The following TRIM34 variants were observed in gnomAD, a reference collection of about 807,000 sequenced individuals.
TRIM34 encodes tripartite motif containing 34, also known as E3 ubiquitin-protein ligase TRIM34.
Under a neutral mutation model 38.1 loss-of-function variants are expected in TRIM34, and 41 were observed. That is an observed-to-expected ratio of 1.08 (90% CI 0.84 to 1.40). The LOEUF (loss-of-function observed/expected upper bound fraction) is 1.40. Ranked by LOEUF, TRIM34 falls within the 40% of genes most tolerant of loss-of-function variation. The pLI is 0.00. For missense variants in TRIM34, 556 were observed against 571.4 expected (o/e 0.97, Z 0.27); for synonymous variants, 200 against 202.5 (o/e 0.99, Z 0.10).
At chr11:5,623,622 C>T (rs540588886), upstream of TRIM34, among the ~76,000 whole-genome samples, 4 of 150,804 alleles carry the variant, frequency 2.7e-5, no homozygotes, top group Admixed American at 1.3e-4. Context: ...CCTTGTGATC[C>T]GCCCGCCTCA....
intron 1 of TRIM34, among the ~76,000 whole-genome samples, chr11:5,630,935 T>C (rs553659225): frequency 1.3e-5 from 2 of 152,372 alleles, no homozygotes; most frequent in East Asian, 3.9e-4. Flanking sequence ...ATTTCCAAAA[T>C]AAACACATGA....
At position 5,643,762 on chromosome 11, in the gene TRIM34, T is replaced by C; in HGVS notation, c.*53T>C. ...TTTGTCTTGACTTATCTCCTGCAAC[T>C]GACTCATCTGCAACATTCACACCAT... is the stretch of plus-strand genomic sequence containing the variant. On this transcript the variant is annotated 3_prime_UTR_variant, in exon 8 of 8. Transcript: ENST00000429814. 1 of 1,525,526 alleles carries C rather than the reference T, an allele frequency of 6.6e-7. No homozygotes were observed. The highest frequency in any genetic ancestry group is 8.8e-7 in the Non-Finnish European group (1 of 1,142,434). 94.5% of individuals were successfully genotyped at this position (1,525,526 alleles called of 1,614,324 possible).
chr11:5,641,183 T>G lies in TRIM34; in HGVS notation c.767T>G (p.Met256Arg). Reference sequence around the variant, plus strand: ...TCTTTCTAGGACATGAGTGGAATCATGAAATGGTGCGTATGGGTGGCCAGG... The same window carrying G: ...TCTTTCTAGGACATGAGTGGAATCAGGAAATGGTGCGTATGGGTGGCCAGG... The part of the protein sequence containing the change: ...MELLQDMSGI[M>R]KWSEIWRLKK... The change falls in exon 5 of 8, where the codon ATG (methionine) becomes AGG (arginine). Residue 256 changes from methionine to arginine, a missense_variant. By Grantham distance (91) the Met-to-Arg change is moderately conservative. Transcript: ENST00000429814. The G allele has an allele frequency of 6.2e-7, 1 of 1,613,852 alleles. No homozygotes were observed. The highest frequency in any genetic ancestry group is 8.5e-7 in the Non-Finnish European group (1 of 1,179,864).
Position 5,629,803 on chromosome 11 carries a change from G to C in TRIM34, c.-77-2452G>C, listed in dbSNP as rs186342497. On this transcript the variant is annotated intron_variant, in intron 1 of 7. Coordinates refer to ENST00000429814, the MANE Select transcript of TRIM34 (RefSeq NM_021616.6). ...GCTCACTGGAAGCTCTGCCTCCCGGGTTCACGCCATTCTCCTGCCTTAGCC... is the reference window on the plus strand; with the variant it reads ...GCTCACTGGAAGCTCTGCCTCCCGGCTTCACGCCATTCTCCTGCCTTAGCC... Among the ~76,000 whole-genome samples the C allele has an allele frequency of 3.5e-3, 529 of 152,292 alleles. 4 individuals are homozygous for C. Among genetic ancestry groups the C allele is most frequent in the Middle Eastern group, 6.8e-3 (2 of 294 alleles).
At chr11:5,631,982 T>C (rs1849501753) in intron 1 of TRIM34, among the ~76,000 whole-genome samples, 1 of 152,194 alleles carries the variant, frequency 6.6e-6, no homozygotes, top group South Asian at 2.1e-4. Context: ...GCAGCCCTTC[T>C]GATGAAGGGA....
intron 1 of TRIM34, among the ~76,000 whole-genome samples, chr11:5,627,222 A>G (rs922445935): frequency 6.6e-6 from 1 of 151,962 alleles, no homozygotes; most frequent in African/African-American, 2.4e-5. Flanking sequence ...TCTACTAAAA[A>G]TACAAAAATT....
Position 5,633,695 on chromosome 11 carries a change from T to G in TRIM34, c.424-109T>G, listed in dbSNP as rs1430043884. On this transcript the variant is annotated intron_variant, in intron 2 of 7. Transcript: ENST00000429814. ...GATTCTAATCACCAGCTTCACAGTT[T>G]CTGTAAATTGCTTTTTTCTGGGATC... The G allele has an allele frequency of 2.0e-5, 21 of 1,073,098 alleles. No individual in the cohort carries two copies. In the South Asian group the frequency reaches 3.3e-4, roughly 17 times the overall value. The allele number at this position is 1,073,098 out of a possible 1,614,324, so 66.5% of individuals were successfully genotyped here. A position where few individuals can be genotyped will look rare whatever the true frequency, so the allele number is the denominator to read the frequency against.
At chr11:5,633,595 C>T (rs1849586033) in intron 2 of TRIM34, among the ~76,000 whole-genome samples, 1 of 152,204 alleles carries the variant, frequency 6.6e-6, no homozygotes, top group Non-Finnish European at 1.5e-5. Flanking sequence ...CAGGCTACTC[C>T]TTTTGAGGGG....
intron 1 of TRIM34, among the ~76,000 whole-genome samples, chr11:5,629,351 T>G (rs1849381501): frequency 1.3e-5 from 2 of 152,224 alleles, no homozygotes; most frequent in Non-Finnish European, 2.9e-5. Flanking sequence ...TTAACTTGAT[T>G]ACACCTGCAA....
chr11:5,620,538 C>T (rs1848957862), upstream of TRIM34, among the ~76,000 whole-genome samples: 1 of 152,130 alleles, frequency 6.6e-6, no homozygotes, highest in Non-Finnish European at 1.5e-5. Flanking sequence ...AGTAATGAGT[C>T]TCAAGCTCTT....
At chr11:5,623,950 T>C (rs773877257), upstream of TRIM34, among the ~76,000 whole-genome samples, 1 of 152,210 alleles carries the variant, frequency 6.6e-6, no homozygotes, top group Non-Finnish European at 1.5e-5. Flanking sequence ...GGAGGTAGAC[T>C]AGGATTGTTT....
chr11:5,641,907 GC>G (rs1373269128), intron 5 of TRIM34, among the ~76,000 whole-genome samples: 1 of 151,890 alleles, frequency 6.6e-6, no homozygotes, highest in African/African-American at 2.4e-5. Context: ...TCAAATATGC[GC>G]CATTCCACTG....
chr11:5,632,585 A>G lies in TRIM34; in HGVS notation c.254A>G (p.Lys85Arg). ...ANIVERLKEV[K>R]LSPDNGKKRD... The stretch of plus-strand genomic sequence containing the variant: ...ATAGTGGAGAGACTCAAGGAGGTCA[A>G]GTTGAGCCCAGACAATGGGAAGAAG... Residue 85 changes from lysine (K) to arginine (R), a missense_variant, in exon 2 of 8, where the codon AAG becomes AGG. Physicochemically the swap from Lys to Arg is conservative, Grantham distance 26. Transcript: ENST00000429814. 1 of 1,613,864 alleles carries G rather than the reference A, an allele frequency of 6.2e-7. No individual in the cohort carries two copies. The highest frequency in any genetic ancestry group is 1.1e-5 in the South Asian group (1 of 91,030).
chr11:5,630,825 T>A (rs949933464), intron 1 of TRIM34, among the ~76,000 whole-genome samples: 5 of 152,232 alleles, frequency 3.3e-5, no homozygotes, highest in Non-Finnish European at 5.9e-5. Flanking sequence ...AGGTGACTGT[T>A]TACTTTATTC....
At chr11:5,638,524 A>G (rs1450174742) in intron 4 of TRIM34, among the ~76,000 whole-genome samples, 1 of 152,230 alleles carries the variant, frequency 6.6e-6, no homozygotes, top group African/African-American at 2.4e-5. Context: ...ATATTGGTAC[A>G]TCTTGCTCAA....
At chr11:5,639,408 C>T (rs958177391) in intron 4 of TRIM34, among the ~76,000 whole-genome samples, 9 of 151,938 alleles carry the variant, frequency 5.9e-5, no homozygotes, top group East Asian at 1.9e-4. Flanking sequence ...AGGCCAGGCG[C>T]GGTGGCTCAC....
At position 5,633,803 on chromosome 11, in the gene TRIM34, G is replaced by A; in HGVS notation, c.424-1G>A. 1 of 1,613,220 alleles carries A rather than the reference G, an allele frequency of 6.2e-7. No individual in the cohort carries two copies. Among genetic ancestry groups the A allele is most frequent in the Non-Finnish European group, 8.5e-7 (1 of 1,179,660 alleles). The stretch of plus-strand genomic sequence containing the variant: ...ACTGTAGTGTGATTCCCTTCTCATA[G>A]GAGAAACTCCAGGCAGTCCTCAAGA... On this transcript the variant is annotated splice_acceptor_variant, in intron 2 of 7. Coordinates refer to ENST00000429814, the MANE Select transcript of TRIM34 (RefSeq NM_021616.6). LOFTEE classifies it high-confidence loss of function.
At chr11:5,634,516 CACACACACACACACAT>C (rs1211922178) in intron 3 of TRIM34, 99 bp from the exon 4 acceptor site, 116 of 574,186 alleles carry the variant, frequency 2.0e-4, no homozygotes, top group Non-Finnish European at 2.5e-4. Flanking sequence ...CACACACACA[CACACACACACACACAT>C]ATATATATAT....
chr11:5,642,257 C>T lies in TRIM34; in HGVS notation c.774-149C>T, dbSNP rs1003374098. 5.1e-6 allele frequency: 3 copies of T among 583,228 alleles called. No individual in the cohort carries two copies. The African/African-American group carries it at 5.7e-5, about 11-fold the overall frequency. The allele number at this position is 583,228 out of a possible 1,614,324, so 36.1% of individuals were successfully genotyped here. On this transcript the variant is annotated intron_variant, in intron 5 of 7. Coordinates refer to ENST00000429814, the MANE Select transcript of TRIM34 (RefSeq NM_021616.6). ...GACACAGTCACATTTCTTCTGGATC[C>T]AGGGTCCGGCTCTCCCTTCTCCCCC...
Sources: allele counts gnomAD v4.1 joint callset (sites outside exome capture counted in the v4.1 genomes callset), GRCh38; gene constraint gnomAD v4.1.1; transcripts MANE v1.5; gene names NCBI Gene and HGNC (gene_info 2026-07-23, HGNC 2026-07-21).